The following LRRTM4 variants were observed in gnomAD, a reference collection of about 807,000 sequenced individuals.
The protein encoded by LRRTM4 is leucine rich repeat transmembrane neuronal 4.
Under a neutral mutation model 47.6 loss-of-function variants are expected in LRRTM4, and 25 were observed. The ratio of observed to expected loss-of-function variants is 0.53; its 90% confidence interval spans 0.38 to 0.73. The LOEUF is 0.73. LRRTM4 is among the 30% of genes least tolerant of loss of function. The probability of loss-of-function intolerance (pLI) is 0.00; values close to 1 mark genes in which losing one functional copy is unlikely to be tolerated. For missense variants in LRRTM4, 638 were observed against 713.4 expected, an observed-to-expected ratio of 0.89 and a Z score of 1.20; for synonymous variants, 311 against 269.5, an observed-to-expected ratio of 1.15 and a Z score of -1.51.
chr2:76,777,708 G>C lies in LRRTM4; in HGVS notation c.1552-28792C>G, dbSNP rs1380355933. ...TATACAATCATGTCGTCTGCAAACA[G>C]GGACAATTTGACTTCCTCTTTTCCT... is the stretch of plus-strand genomic sequence containing the variant. On this transcript the variant is annotated intron_variant, in intron 3 of 3. Transcript: ENST00000409884. 8.0e-4 allele frequency among the ~76,000 whole-genome samples: 120 copies of C among 150,430 alleles called. 1 individual carries two copies. Among genetic ancestry groups the C allele is most frequent in the Middle Eastern group, 7.0e-3 (2 of 284 alleles).
intron 3 of LRRTM4, among the ~76,000 whole-genome samples, chr2:77,236,767 C>G (rs1196406830): frequency 6.6e-6 from 1 of 152,052 alleles, no homozygotes; most frequent in African/African-American, 2.4e-5. Flanking sequence ...TTTTCTGCAT[C>G]TGTTGACATG....
intron 3 of LRRTM4, among the ~76,000 whole-genome samples, chr2:77,499,305 TTTTG>T (rs1678483093): frequency 6.6e-6 from 1 of 151,628 alleles, no homozygotes; most frequent in Non-Finnish European, 1.5e-5. Flanking sequence ...AGTTCAGGAG[TTTTG>T]TTTATTTGTT....
chr2:77,358,053 ACC>A, intron 3 of LRRTM4, among the ~76,000 whole-genome samples: 1 of 152,114 alleles, frequency 6.6e-6, no homozygotes, highest in East Asian at 1.9e-4. Flanking sequence ...CATTTCTTTA[ACC>A]TTTCTCCTAA....
At chr2:77,251,964 T>A (rs1217801474) in intron 3 of LRRTM4, among the ~76,000 whole-genome samples, 3 of 152,310 alleles carry the variant, frequency 2.0e-5, no homozygotes, top group Admixed American at 2.0e-4. Flanking sequence ...CTCAGAAGCA[T>A]GAATATGTTA....
At chr2:77,461,016 A>T (rs1676766964) in intron 3 of LRRTM4, among the ~76,000 whole-genome samples, 1 of 152,050 alleles carries the variant, frequency 6.6e-6, no homozygotes, top group African/African-American at 2.4e-5. Context: ...ATTAACAGAA[A>T]TTTTTAACCT....
intron 3 of LRRTM4, among the ~76,000 whole-genome samples, chr2:76,965,183 T>C (rs1675983265): frequency 6.6e-6 from 1 of 151,186 alleles, no homozygotes; most frequent in Non-Finnish European, 1.5e-5. Flanking sequence ...ACAAACTTCC[T>C]ATCACATTCT....
intron 3 of LRRTM4, among the ~76,000 whole-genome samples, chr2:77,120,527 T>C (rs1030193927): frequency 9.2e-5 from 14 of 151,962 alleles, no homozygotes; most frequent in African/African-American, 3.1e-4. Flanking sequence ...ATAGTCATTT[T>C]AAAGAATTCA....
At position 77,232,624 on chromosome 2, in the gene LRRTM4, A is replaced by G. The variant is rs185738034; in HGVS notation, c.1551+285694T>C. On this transcript the variant is annotated intron_variant, in intron 3 of 3. Coordinates refer to ENST00000409884, the MANE Select transcript of LRRTM4 (RefSeq NM_001134745.3). Reference sequence around the variant, plus strand: ...GCTCTGGTTATGAAACAAAGATAGGAGAGGATATCTCTGAAATTTCCCTAT... The same window carrying G: ...GCTCTGGTTATGAAACAAAGATAGGGGAGGATATCTCTGAAATTTCCCTAT... 6.4e-4 allele frequency among the ~76,000 whole-genome samples: 98 copies of G among 152,336 alleles called. No homozygotes were observed. In the East Asian group the frequency reaches 0.015, roughly 24 times the overall value.
intron 3 of LRRTM4, among the ~76,000 whole-genome samples, chr2:76,998,973 G>A (rs1463359814): frequency 6.8e-6 from 1 of 147,912 alleles, no homozygotes; most frequent in Non-Finnish European, 1.5e-5. Flanking sequence ...CCTAACATGT[G>A]TTTCTTTCTA....
chr2:77,328,910 G>C (rs542162572), intron 3 of LRRTM4, among the ~76,000 whole-genome samples: 3 of 152,300 alleles, frequency 2.0e-5, no homozygotes, highest in African/African-American at 7.2e-5. Context: ...GCTATGTGAG[G>C]CAGTAATAGG....
At chr2:77,040,948 T>A (rs2104175124) in intron 3 of LRRTM4, among the ~76,000 whole-genome samples, 1 of 151,654 alleles carries the variant, frequency 6.6e-6, no homozygotes, top group East Asian at 1.9e-4. Flanking sequence ...TTCAAAATCC[T>A]CTATTGTAGC....
chr2:77,069,588 T>C (rs947124713), intron 3 of LRRTM4, among the ~76,000 whole-genome samples: 5 of 152,198 alleles, frequency 3.3e-5, no homozygotes, highest in Non-Finnish European at 7.3e-5. Context: ...TATTCTGGTG[T>C]CCTATTACTT....
chr2:77,233,172 A>C (rs2103974126), intron 3 of LRRTM4, among the ~76,000 whole-genome samples: 1 of 152,328 alleles, frequency 6.6e-6, no homozygotes, highest in Middle Eastern at 3.4e-3. Context: ...TTGTAGGAAA[A>C]CCCAGAGTTT....
At chr2:76,778,438 T>C (rs1674158552) in intron 3 of LRRTM4, among the ~76,000 whole-genome samples, 1 of 147,316 alleles carries the variant, frequency 6.8e-6, no homozygotes, top group Non-Finnish European at 1.5e-5. Flanking sequence ...CAATTTCAGC[T>C]CCTGTTATTG....
At chr2:76,881,774 C>A (rs748441208) in intron 3 of LRRTM4, among the ~76,000 whole-genome samples, 35 of 151,908 alleles carry the variant, frequency 2.3e-4, no homozygotes, top group Admixed American at 1.3e-3. Flanking sequence ...TTTGTTCCAG[C>A]ATATATTGTT....
At chr2:77,015,014 G>A (rs1251153142) in intron 3 of LRRTM4, among the ~76,000 whole-genome samples, 1 of 152,070 alleles carries the variant, frequency 6.6e-6, no homozygotes, top group East Asian at 1.9e-4. Flanking sequence ...TCTTGTTGAT[G>A]TGATTAAACT....
chr2:76,956,829 G>A (rs1026157628), intron 3 of LRRTM4, among the ~76,000 whole-genome samples: 15 of 151,180 alleles, frequency 9.9e-5, no homozygotes, highest in African/African-American at 3.6e-4. Flanking sequence ...TGAAAAATTT[G>A]AATAATCTAA....
intron 3 of LRRTM4, among the ~76,000 whole-genome samples, chr2:77,429,336 A>G (rs1163818025): frequency 6.6e-6 from 1 of 152,166 alleles, no homozygotes; most frequent in African/African-American, 2.4e-5. Context: ...TCAAAAAGCA[A>G]TCTCACTACT....
intron 3 of LRRTM4, among the ~76,000 whole-genome samples, chr2:76,939,566 C>T (rs1394685093): frequency 6.6e-6 from 1 of 151,710 alleles, no homozygotes; most frequent in Admixed American, 6.6e-5. Flanking sequence ...TTTTTAGTTG[C>T]TATCTAGTGG....
Sources: gnomAD v4.1 joint callset for allele counts (sites outside exome capture counted in the v4.1 genomes callset) on GRCh38, gnomAD v4.1.1 for gene constraint, MANE v1.5 for transcripts, NCBI Gene and HGNC (gene_info 2026-07-23, HGNC 2026-07-21) for gene names.